The following TRIR variants were observed in gnomAD, a reference collection of about 807,000 sequenced individuals.
TRIR encodes the protein telomerase RNA component interacting RNase, also known as telomerase RNA component-interacting RNase.
In TRIR, 5 loss-of-function variants were observed where a neutral mutation model predicts 18.2. That is an observed-to-expected ratio of 0.27 (90% CI 0.14 to 0.58). The LOEUF is 0.58. TRIR is among the 20% of genes least tolerant of loss of function. TRIR has a pLI of 0.91. For synonymous variants in TRIR, 134 were observed against 114.4 expected (o/e 1.17, Z -1.10); for missense variants, 206 against 252.8 (o/e 0.81, Z 1.25).
In TRIR at chr19:12,734,597, C is replaced by G; in HGVS notation, c.61G>C (p.Gly21Arg). Residue 21 changes from glycine to arginine, a missense_variant, in exon 1 of 3, where the codon GGT becomes CGT. Physicochemically the swap from Gly to Arg is moderately radical, Grantham distance 125. Around this residue, in one of 2 missense-constraint regions of TRIR, gnomAD observed 172 missense variants for 165.0 expected, o/e 1.04. Coordinates refer to ENST00000242784, the MANE Select transcript of TRIR (RefSeq NM_024038.4). This position sits in a 1 kb window ranked among gnomAD's most constrained non-coding sequence, Gnocchi z 4.1. ...GCCCAACGGCTCCCGCCACCGCCACCGCCCGCGGGGCCCGGAGCCTCCCGG... is the reference window on the plus strand; with the variant it reads ...GCCCAACGGCTCCCGCCACCGCCACGGCCCGCGGGGCCCGGAGCCTCCCGG... Reference protein sequence around the residue: ...QGREAPGPAGGGGGGSRWAES... With the variant: ...QGREAPGPAGRGGGGSRWAES... 6.6e-7 allele frequency: 1 copy of G among 1,519,874 alleles called. No individual in the cohort carries two copies. Among genetic ancestry groups the G allele is most frequent in the South Asian group, 1.2e-5 (1 of 82,102 alleles). 94.1% of individuals were successfully genotyped at this position (1,519,874 alleles called of 1,614,324 possible). A position where few individuals can be genotyped will look rare whatever the true frequency, so the allele number is the denominator to read the frequency against.
rs559100127 is a variant in TRIR at position 12,734,523 on chromosome 19, C to A, written c.135G>T (p.Ser45=). The A allele has an allele frequency of 9.3e-5, 143 of 1,536,398 alleles. 1 individual carries two copies. In the South Asian group the frequency reaches 1.2e-3, roughly 13 times the overall value. ...TSPESGDEEV[S]GAGSSPVSGG... ...CCGACACCGGGCTCGAACCCGCGCC[C>A]GACACCTCCTCGTCCCCGCTCTCGG... Residue 45 remains serine, a synonymous_variant, in exon 1 of 3, where the codon TCG becomes TCT. Transcript: ENST00000242784. This position sits in a 1 kb window ranked among gnomAD's most constrained non-coding sequence, Gnocchi z 4.1.
At position 12,730,921 on chromosome 19, in the gene TRIR, C is replaced by T. The variant is rs374497183; in HGVS notation, c.*40G>A. ...CGCTGCATTAAATAGTTATGTACAT[C>T]GCAGAGAGTCCCAGGCCATGGGCAG... On this transcript the variant is annotated 3_prime_UTR_variant, in exon 3 of 3. Transcript: ENST00000242784. 5.5e-5 allele frequency: 86 copies of T among 1,550,826 alleles called. No homozygotes were observed. The highest frequency in any genetic ancestry group is 6.8e-5 in the African/African-American group (5 of 73,624).
Position 12,734,400 on chromosome 19 carries a change from C to T in TRIR, c.258G>A (p.Pro86=). 6.6e-7 allele frequency: 1 copy of T among 1,515,380 alleles called. No individual in the cohort carries two copies. The highest frequency in any genetic ancestry group is 8.8e-7 in the Non-Finnish European group (1 of 1,133,140). 93.9% of individuals were successfully genotyped at this position (1,515,380 alleles called of 1,614,324 possible). ...CCGACTGGTCGGGTCGCTGCGGACC[C>T]GGGGGCGGCTCCTCCTGCCGCTGCC... ...EQRQRQEEPP[P]GPQRPDQSAA... Residue 86 remains proline (P), a synonymous_variant, in exon 1 of 3, where the codon CCG becomes CCA. Coordinates refer to ENST00000242784, the MANE Select transcript of TRIR (RefSeq NM_024038.4). This position sits in a 1 kb window ranked among gnomAD's most constrained non-coding sequence, Gnocchi z 4.1.
At chr19:12,733,543 C>G (rs1448101005) in intron 1 of TRIR, among the ~76,000 whole-genome samples, 1 of 152,126 alleles carries the variant, frequency 6.6e-6, no homozygotes, top group Non-Finnish European at 1.5e-5. Flanking sequence ...ATGTCACTAG[C>G]ACCCCCTCCC....
chr19:12,730,711 A>C lies in TRIR; in HGVS notation c.*250T>G. 2 of 551,588 alleles carry C rather than the reference A, an allele frequency of 3.6e-6. No individual in the cohort carries two copies. The allele number at this position is 551,588 out of a possible 1,614,324, so 34.2% of individuals were successfully genotyped here. On this transcript the variant is annotated 3_prime_UTR_variant, in exon 3 of 3. Coordinates refer to ENST00000242784, the MANE Select transcript of TRIR (RefSeq NM_024038.4). ...GGGAGGGAGGAGGGTGAGAAGAGGA[A>C]GACAGAAAGAGCCAGAGAGAATGAG...
intron 1 of TRIR, among the ~76,000 whole-genome samples, chr19:12,732,485 T>C (rs1967449905): frequency 6.6e-6 from 1 of 152,156 alleles, no homozygotes; most frequent in Non-Finnish European, 1.5e-5. Flanking sequence ...TAGCCTTTCA[T>C]CCTGTATCCC....
In TRIR at chr19:12,731,712, A is replaced by G; in HGVS notation, c.346-291T>C. On this transcript the variant is annotated intron_variant, in intron 1 of 2. Transcript: ENST00000242784. The surrounding 1 kb of genome is among the most constrained non-coding windows in gnomAD (Gnocchi z 5.1). ...CTCACCCTCCCTAGCAGGGACCACA[A>G]GAGGTGGCAACAGCTCCCTTTATTG... The G allele has an allele frequency of 2.2e-6, 1 of 446,806 alleles. No homozygotes were observed. Among genetic ancestry groups the G allele is most frequent in the Non-Finnish European group, 4.0e-6 (1 of 249,644 alleles). The allele number at this position is 446,806 out of a possible 1,614,324, so 27.7% of individuals were successfully genotyped here. A position where few individuals can be genotyped will look rare whatever the true frequency, so the allele number is the denominator to read the frequency against.
At position 12,734,481 on chromosome 19, in the gene TRIR, G is replaced by A. The variant is rs200830099; in HGVS notation, c.177C>T (p.Phe59=). The change falls in exon 1 of 3, where the codon TTC becomes TTT. Residue 59 remains phenylalanine (F), a synonymous_variant. Transcript: ENST00000242784. The surrounding 1 kb of genome is among the most constrained non-coding windows in gnomAD (Gnocchi z 4.1). Reference sequence around the variant, plus strand: ...GCTCCAGGAAGCTGCCGTCGTTGGCGAACAAGTTCACGCCGCCCGACACCG... The same window carrying A: ...GCTCCAGGAAGCTGCCGTCGTTGGCAAACAAGTTCACGCCGCCCGACACCG... The part of the protein sequence containing the change: ...SSPVSGGVNL[F]ANDGSFLELF... The A allele has an allele frequency of 4.6e-6, 7 of 1,535,166 alleles. No individual in the cohort carries two copies. In the East Asian group the frequency reaches 1.3e-4, roughly 28 times the overall value.
At position 12,731,608 on chromosome 19, in the gene TRIR, C is replaced by G. The variant is rs1967430143; in HGVS notation, c.346-187G>C. On this transcript the variant is annotated intron_variant, in intron 1 of 2. Transcript: ENST00000242784. This position sits in a 1 kb window ranked among gnomAD's most constrained non-coding sequence, Gnocchi z 5.1. ...ACGCGACTCAGCGCCTGCCCTGGGC[C>G]CGCGGTGCCCTCCCAGGGAGCAAGA... The G allele has an allele frequency of 1.6e-6, 1 of 610,482 alleles. No individual in the cohort carries two copies. The highest frequency in any genetic ancestry group is 2.9e-6 in the Non-Finnish European group (1 of 349,970). 37.8% of individuals were successfully genotyped at this position (610,482 alleles called of 1,614,324 possible). A position where few individuals can be genotyped will look rare whatever the true frequency, so the allele number is the denominator to read the frequency against.
Sources: gnomAD v4.1 joint callset for allele counts (sites outside exome capture counted in the v4.1 genomes callset) on GRCh38, gnomAD v4.1.1 for gene constraint, gnomAD v4.1.1 regional missense constraint, Gnocchi (gnomAD v3.1) non-coding constraint, MANE v1.5 for transcripts, NCBI Gene and HGNC (gene_info 2026-07-23, HGNC 2026-07-21) for gene names.